The following CELF4 variants were observed in gnomAD, a reference collection of about 807,000 sequenced individuals.
CELF4 encodes the protein CUG-BP- and ETR-3-like factor 4.
In CELF4, 18 loss-of-function variants were observed where a neutral mutation model predicts 59.9. The observed-to-expected ratio is 0.30, with a 90% confidence interval of 0.21 to 0.45. The LOEUF (loss-of-function observed/expected upper bound fraction) is 0.45. Ranked by LOEUF, CELF4 falls within the 20% of genes least tolerant of loss-of-function variation. The pLI, the probability that CELF4 is intolerant of heterozygous loss-of-function variation, is 1.00. For synonymous variants in CELF4, 261 were observed against 267.1 expected (o/e 0.98, Z 0.22); for missense variants, 456 against 689.0 (o/e 0.66, Z 3.79).
intron 2 of CELF4, among the ~76,000 whole-genome samples, chr18:37,448,200 G>GT (rs1392694860): frequency 2.8e-4 from 43 of 152,250 alleles, no homozygotes; most frequent in African/African-American, 1.0e-3. Flanking sequence ...ACTGGAGGGA[G>GT]TGGGTCTCTT....
chr18:37,542,052 CTGTT>C (rs1025411792), intron 1 of CELF4, among the ~76,000 whole-genome samples: 7 of 152,120 alleles, frequency 4.6e-5, no homozygotes, highest in African/African-American at 1.4e-4. Context: ...TGATCAGTAA[CTGTT>C]TGTGAATGAG....
chr18:37,390,283 C>T (rs898755764), intron 2 of CELF4, among the ~76,000 whole-genome samples: 5 of 152,156 alleles, frequency 3.3e-5, no homozygotes, highest in South Asian at 2.1e-4. Flanking sequence ...GGTTCCAGGA[C>T]GCCCCCGACA....
intron 2 of CELF4, among the ~76,000 whole-genome samples, chr18:37,483,342 C>T (rs886796719): frequency 2.6e-5 from 4 of 152,172 alleles, no homozygotes; most frequent in Non-Finnish European, 5.9e-5. Context: ...AGCTGCAATC[C>T]GGTCTTTTAT....
intron 1 of CELF4, among the ~76,000 whole-genome samples, chr18:37,494,186 C>G (rs776686603): frequency 3.3e-5 from 5 of 152,192 alleles, no homozygotes; most frequent in African/African-American, 1.2e-4. Flanking sequence ...TCCAGTTGCC[C>G]TTGTTTATGC....
At chr18:37,423,089 G>A in intron 2 of CELF4, among the ~76,000 whole-genome samples, 1 of 120,308 alleles carries the variant, frequency 8.3e-6, no homozygotes, top group Non-Finnish European at 1.9e-5. Flanking sequence ...CACAGAGACA[G>A]AGAGAGAGAG....
In CELF4 at chr18:37,322,185, C is replaced by T. The variant is rs539146725; in HGVS notation, c.370-304G>A. Among the ~76,000 whole-genome samples, 3 of 152,366 alleles carry T rather than the reference C, an allele frequency of 2.0e-5. No individual in the cohort carries two copies. The South Asian group carries it at 6.2e-4, about 32-fold the overall frequency. ...CTTTGATATCAGAATCTGAGGTTGACAGAAATGCTGGCCTGTCCCTCTGTG... is the reference window on the plus strand; with the variant it reads ...CTTTGATATCAGAATCTGAGGTTGATAGAAATGCTGGCCTGTCCCTCTGTG... On this transcript the variant is annotated intron_variant, in intron 2 of 12. Coordinates refer to ENST00000420428, the MANE Select transcript of CELF4 (RefSeq NM_020180.4).
chr18:37,459,680 C>A (rs2154602088), intron 2 of CELF4, among the ~76,000 whole-genome samples: 1 of 152,254 alleles, frequency 6.6e-6, no homozygotes, highest in East Asian at 1.9e-4. Context: ...TGGAGGGATG[C>A]ATGCCGATCT....
At chr18:37,474,808 C>T (rs1420320519) in intron 2 of CELF4, among the ~76,000 whole-genome samples, 3 of 152,210 alleles carry the variant, frequency 2.0e-5, no homozygotes, top group Admixed American at 6.5e-5. Flanking sequence ...TGGTGTCCTG[C>T]CCATGACCCC....
At chr18:37,264,973 T>TGTGTGC (rs987786718) in intron 9 of CELF4, among the ~76,000 whole-genome samples, 3 of 152,024 alleles carry the variant, frequency 2.0e-5, no homozygotes, top group African/African-American at 4.8e-5. Context: ...TGTACGTGTG[T>TGTGTGC]GTGTGCGTGT....
chr18:37,274,624 C>T (rs1008056400), intron 5 of CELF4, 170 bp from the exon 6 acceptor site: 4 of 1,507,408 alleles, frequency 2.7e-6, no homozygotes, highest in African/African-American at 2.8e-5. Context: ...GCATTTTCCA[C>T]CTGGGTAACC....
intron 2 of CELF4, among the ~76,000 whole-genome samples, chr18:37,476,734 C>T (rs545634279): frequency 1.3e-5 from 2 of 152,192 alleles, no homozygotes; most frequent in Admixed American, 1.3e-4. Context: ...CTCACACAGA[C>T]ATTCTGTTTC....
intron 2 of CELF4, among the ~76,000 whole-genome samples, chr18:37,463,452 T>C (rs2099799293): frequency 6.6e-6 from 1 of 152,194 alleles, no homozygotes; most frequent in Non-Finnish European, 1.5e-5. Flanking sequence ...AACCCCGTGA[T>C]CAACTTTGAA....
chr18:37,460,768 G>C (rs962064584), intron 2 of CELF4, among the ~76,000 whole-genome samples: 2 of 152,216 alleles, frequency 1.3e-5, no homozygotes, highest in Admixed American at 1.3e-4. Flanking sequence ...CTCAACACTG[G>C]TTCCCACAGA....
chr18:37,522,373 C>G (rs886807176), intron 1 of CELF4, among the ~76,000 whole-genome samples: 2 of 152,116 alleles, frequency 1.3e-5, no homozygotes, highest in Non-Finnish European at 2.9e-5. Flanking sequence ...CCCTGCGGCC[C>G]GGCCCCCAGC....
chr18:37,281,387 C>T (rs929472014), intron 3 of CELF4, among the ~76,000 whole-genome samples: 12 of 152,358 alleles, frequency 7.9e-5, no homozygotes, highest in Middle Eastern at 3.4e-3. Context: ...TAAGGATAGA[C>T]GGTTGCAGGG....
chr18:37,489,902 C>T (rs1009399481), intron 1 of CELF4, among the ~76,000 whole-genome samples: 3 of 152,080 alleles, frequency 2.0e-5, no homozygotes, highest in African/African-American at 7.2e-5. Context: ...ATCTTCAGAC[C>T]CAGAAATCCC....
At chr18:37,279,599 C>T (rs2093861725) in intron 3 of CELF4, among the ~76,000 whole-genome samples, 1 of 152,250 alleles carries the variant, frequency 6.6e-6, no homozygotes, top group East Asian at 1.9e-4. Flanking sequence ...AGCATTGCTT[C>T]TACAGTGGTA....
chr18:37,491,483 G>A (rs761191359), intron 1 of CELF4, among the ~76,000 whole-genome samples: 7 of 152,158 alleles, frequency 4.6e-5, no homozygotes, highest in Admixed American at 1.3e-4. Flanking sequence ...TTCAGTGAGG[G>A]TGGAGACGGG....
At chr18:37,264,820 G>C in intron 9 of CELF4, 63 bp from the exon 10 acceptor site, 2 of 1,388,788 alleles carry the variant, frequency 1.4e-6, no homozygotes, top group Non-Finnish European at 2.0e-6. Context: ...CAGGAAGAAA[G>C]AGAGAGATTT....
Sources: allele counts gnomAD v4.1 joint callset (sites outside exome capture counted in the v4.1 genomes callset), GRCh38; gene constraint gnomAD v4.1.1; transcripts MANE v1.5; gene names NCBI Gene and HGNC (gene_info 2026-07-23, HGNC 2026-07-21).